Variants in ARHGAP24 observed in about 807,000 individuals in gnomAD.
ARHGAP24 encodes the protein Rho GTPase activating protein 24.
Under a neutral mutation model 76.4 loss-of-function variants are expected in ARHGAP24, and 50 were observed. The ratio of observed to expected loss-of-function variants is 0.65; its 90% CI spans 0.52 to 0.83. ARHGAP24 has a LOEUF of 0.83. Among genes scored for constraint, ARHGAP24 ranks in the 40% least tolerant of loss-of-function variants. The probability of loss-of-function intolerance (pLI) is 0.00; values close to 1 mark genes in which losing one functional copy is unlikely to be tolerated. For missense variants in ARHGAP24, 930 were observed against 914.2 expected (o/e 1.02, Z -0.22); for synonymous variants, 345 against 323.3 (o/e 1.07, Z -0.72).
At chr4:85,910,018 T>C (rs1734990960) in intron 3 of ARHGAP24, among the ~76,000 whole-genome samples, 1 of 152,080 alleles carries the variant, frequency 6.6e-6, no homozygotes, top group Non-Finnish European at 1.5e-5. Flanking sequence ...ATGGAGTGTG[T>C]GAGTGAGCAT....
chr4:85,927,580 G>A (rs1042823080), intron 4 of ARHGAP24, among the ~76,000 whole-genome samples: 3 of 152,102 alleles, frequency 2.0e-5, no homozygotes, highest in Non-Finnish European at 4.4e-5. Context: ...TCCTATCTTA[G>A]TTATGAAACC....
intron 1 of ARHGAP24, among the ~76,000 whole-genome samples, chr4:85,516,911 A>T (rs763777011): frequency 1.4e-4 from 21 of 152,138 alleles, no homozygotes; most frequent in South Asian, 2.1e-4. Context: ...TTATTTTTTT[A>T]AATTTAGATA....
At position 85,700,402 on chromosome 4, in the gene ARHGAP24, A is replaced by T. The variant is rs1035691298; in HGVS notation, c.181-21483A>T. 5.9e-5 allele frequency among the ~76,000 whole-genome samples: 5 copies of T among 84,098 alleles called. 1 individual carries two copies. The highest frequency in any genetic ancestry group is 1.4e-4 in the African/African-American group (5 of 34,774). 55.2% of individuals were successfully genotyped at this position (84,098 alleles called of 152,430 possible). A position where few individuals can be genotyped will look rare whatever the true frequency, so the allele number is the denominator to read the frequency against. ...AAGAGTGAGATTCTGTCTAAAAAAA[A>T]AAAAATAAATAAATAAAGAAGAAGA... On this transcript the variant is annotated intron_variant, in intron 2 of 9. Coordinates refer to ENST00000395184, the MANE Select transcript of ARHGAP24 (RefSeq NM_001025616.3).
chr4:85,767,717 A>C (rs1318989187), intron 3 of ARHGAP24, among the ~76,000 whole-genome samples: 2 of 152,216 alleles, frequency 1.3e-5, no homozygotes, highest in African/African-American at 4.8e-5. Flanking sequence ...GTAGAACAGA[A>C]TATTTTCTAG....
intron 3 of ARHGAP24, among the ~76,000 whole-genome samples, chr4:85,783,962 A>G (rs182879976): frequency 3.3e-5 from 5 of 152,280 alleles, no homozygotes; most frequent in African/African-American, 1.2e-4. Context: ...ACATGAAACA[A>G]ACAAACAAAT....
chr4:85,552,985 G>A (rs567163284), intron 1 of ARHGAP24, among the ~76,000 whole-genome samples: 1 of 152,150 alleles, frequency 6.6e-6, no homozygotes, highest in East Asian at 1.9e-4. Context: ...TGCAGCGAGT[G>A]TTACAGTTCA....
intron 7 of ARHGAP24, among the ~76,000 whole-genome samples, chr4:85,976,948 C>A (rs770665743): frequency 6.6e-6 from 1 of 151,672 alleles, no homozygotes; most frequent in African/African-American, 2.4e-5. Context: ...GCACCCAGCT[C>A]GTTTTTGTAT....
chr4:85,915,641 A>T (rs1209088045), intron 3 of ARHGAP24, among the ~76,000 whole-genome samples: 7 of 151,260 alleles, frequency 4.6e-5, no homozygotes, highest in Admixed American at 1.3e-4. Flanking sequence ...TCGTCGTTCA[A>T]CTCCCACTTA....
intron 3 of ARHGAP24, among the ~76,000 whole-genome samples, chr4:85,789,433 C>T (rs1221231035): frequency 4.0e-5 from 6 of 151,788 alleles, no homozygotes; most frequent in Non-Finnish European, 8.8e-5. Context: ...GGATAAAACT[C>T]TTCTTAAGAG....
chr4:85,550,461 T>A (rs1380252521), intron 1 of ARHGAP24, among the ~76,000 whole-genome samples: 1 of 152,222 alleles, frequency 6.6e-6, no homozygotes, highest in Non-Finnish European at 1.5e-5. Context: ...TGTAGTATAA[T>A]GTAAAGCTGG....
At chr4:85,488,049 G>A (rs1012657073) in intron 1 of ARHGAP24, among the ~76,000 whole-genome samples, 10 of 150,488 alleles carry the variant, frequency 6.6e-5, no homozygotes, top group African/African-American at 2.2e-4. Context: ...GGGGACTACA[G>A]GCGCCGGCCA....
intron 5 of ARHGAP24, among the ~76,000 whole-genome samples, chr4:85,950,850 AT>A (rs895958812): frequency 3.3e-5 from 5 of 150,542 alleles, no homozygotes; most frequent in African/African-American, 9.8e-5. Flanking sequence ...TTTGTATTTT[AT>A]TTTTTTTAGT....
At chr4:85,537,968 G>GA (rs1725535066) in intron 1 of ARHGAP24, among the ~76,000 whole-genome samples, 2 of 151,924 alleles carry the variant, frequency 1.3e-5, no homozygotes, top group South Asian at 4.2e-4. Flanking sequence ...CAAGGCTGAA[G>GA]TATGACTTGA....
intron 3 of ARHGAP24, among the ~76,000 whole-genome samples, chr4:85,831,625 G>A (rs1360425938): frequency 1.3e-5 from 2 of 152,128 alleles, no homozygotes; most frequent in Admixed American, 1.3e-4. Context: ...GTCTCCACCT[G>A]GTACCGTGGC....
intron 2 of ARHGAP24, among the ~76,000 whole-genome samples, chr4:85,584,527 C>T (rs2109975021): frequency 6.6e-6 from 1 of 151,766 alleles, no homozygotes; most frequent in East Asian, 1.9e-4. Flanking sequence ...ACCAGCATGA[C>T]ACATGTATAC....
chr4:85,630,386 T>G (rs1421768013), intron 2 of ARHGAP24, among the ~76,000 whole-genome samples: 1 of 152,256 alleles, frequency 6.6e-6, no homozygotes, highest in Non-Finnish European at 1.5e-5. Flanking sequence ...CATTTTGTTC[T>G]TTTGATGGTG....
intron 2 of ARHGAP24, among the ~76,000 whole-genome samples, chr4:85,670,238 C>T (rs985727875): frequency 2.6e-5 from 4 of 152,132 alleles, no homozygotes; most frequent in Non-Finnish European, 4.4e-5. Context: ...GAGAAAAATT[C>T]TCTTAGGTTG....
intron 2 of ARHGAP24, among the ~76,000 whole-genome samples, chr4:85,623,983 T>G (rs961193922): frequency 2.6e-5 from 4 of 152,132 alleles, no homozygotes; most frequent in African/African-American, 7.2e-5. Context: ...TAAGGAGATT[T>G]TGGGCTGAGA....
At chr4:85,990,352 T>A (rs1160901282) in intron 8 of ARHGAP24, 1 of 151,826 alleles carries the variant, frequency 6.6e-6, no homozygotes, top group Non-Finnish European at 1.5e-5. Flanking sequence ...AGCTATTAAT[T>A]TTTCTAAAAT....
Sources: allele counts gnomAD v4.1 joint callset (sites outside exome capture counted in the v4.1 genomes callset), GRCh38; gene constraint gnomAD v4.1.1; transcripts MANE v1.5; gene names NCBI Gene and HGNC (gene_info 2026-07-23, HGNC 2026-07-21).